The following RAB5A variants were observed in gnomAD, a reference collection of about 807,000 sequenced individuals.
RAB5A encodes the protein ras-related protein Rab-5A.
RAB5A carries 8 observed loss-of-function variants against 25.7 expected under a neutral mutation model. The ratio of observed to expected loss-of-function variants is 0.31; its 90% confidence interval spans 0.18 to 0.56. The LOEUF is 0.56. RAB5A is among the 20% of genes least tolerant of loss of function. The probability of loss-of-function intolerance (pLI) is 0.91; values close to 1 mark genes in which losing one functional copy is unlikely to be tolerated. For synonymous variants in RAB5A, 98 were observed against 89.8 expected (o/e 1.09, Z -0.52); for missense variants, 192 against 259.7 (o/e 0.74, Z 1.79).
At position 19,950,931 on chromosome 3, in the gene RAB5A, G is replaced by A. The variant is rs764547158; in HGVS notation, c.33G>A (p.Gly11=). Residue 11 remains glycine, a synonymous_variant, in exon 2 of 6, where the codon GGG becomes GGA. Transcript: ENST00000273047. The part of the protein sequence containing the change: MASRGATRPN[G]PNTGNKICQF... ...GTCGAGGCGCAACAAGACCCAACGG[G>A]CCAAATACGGGAAATAAAATATGCC... is the stretch of plus-strand genomic sequence containing the variant. The A allele has an allele frequency of 3.8e-5, 62 of 1,613,416 alleles. No individual in the cohort carries two copies. The highest frequency in any genetic ancestry group is 2.5e-4 in the South Asian group (23 of 91,020).
chr3:19,978,160 T>C, intron 4 of RAB5A, 150 bp from the exon 5 acceptor site: 8 of 647,448 alleles, frequency 1.2e-5, no homozygotes, highest in Non-Finnish European at 1.9e-5. Context: ...ACCTCTGTTG[T>C]AGCTTATTAT....
intron 2 of RAB5A, among the ~76,000 whole-genome samples, chr3:19,975,345 A>G (rs1251394969): frequency 1.3e-5 from 2 of 152,186 alleles, no homozygotes; most frequent in East Asian, 3.8e-4. Context: ...ATGTAAGCAT[A>G]TATGTAAATA....
At chr3:19,968,126 A>G (rs1696686351) in intron 2 of RAB5A, among the ~76,000 whole-genome samples, 1 of 152,084 alleles carries the variant, frequency 6.6e-6, no homozygotes, top group African/African-American at 2.4e-5. Context: ...ACAAAGCCTC[A>G]TTCTATTTCT....
chr3:19,982,087 A>C (rs903355388), intron 5 of RAB5A, among the ~76,000 whole-genome samples: 1 of 152,000 alleles, frequency 6.6e-6, no homozygotes, highest in African/African-American at 2.4e-5. Flanking sequence ...ACCAAAAAAA[A>C]AAAGCCAGGC....
At chr3:19,959,900 T>C (rs986688633) in intron 2 of RAB5A, among the ~76,000 whole-genome samples, 14 of 152,044 alleles carry the variant, frequency 9.2e-5, no homozygotes, top group Non-Finnish European at 1.8e-4. Flanking sequence ...TGCTGAGATA[T>C]AGCCATGAGC....
chr3:19,961,141 A>T (rs904321330), intron 2 of RAB5A, among the ~76,000 whole-genome samples: 1 of 152,236 alleles, frequency 6.6e-6, no homozygotes, highest in Non-Finnish European at 1.5e-5. Flanking sequence ...AAGATAGGAC[A>T]CTTATAATAA....
chr3:19,963,240 A>AT (rs1479416135), intron 2 of RAB5A, among the ~76,000 whole-genome samples: 2 of 151,144 alleles, frequency 1.3e-5, no homozygotes, highest in Non-Finnish European at 2.9e-5. Flanking sequence ...ATATTGTCAT[A>AT]TTTTAGTATC....
intron 2 of RAB5A, among the ~76,000 whole-genome samples, chr3:19,966,263 C>T (rs952809800): frequency 4.6e-5 from 7 of 152,210 alleles, no homozygotes. Context: ...CTCTAGCTAC[C>T]TCACATAAAT....
At chr3:19,948,071 C>T (rs1448927195) in intron 1 of RAB5A, among the ~76,000 whole-genome samples, 5 of 152,070 alleles carry the variant, frequency 3.3e-5, no homozygotes, top group Admixed American at 6.6e-5. Context: ...AATAGGCTGT[C>T]TAGAGACTTG....
At chr3:19,965,015 C>T (rs546687909) in intron 2 of RAB5A, among the ~76,000 whole-genome samples, 2 of 152,208 alleles carry the variant, frequency 1.3e-5, no homozygotes, top group African/African-American at 4.8e-5. Flanking sequence ...ACTGCAACAT[C>T]TGCCTCCTGG....
chr3:19,948,997 T>A (rs925478595), intron 1 of RAB5A, among the ~76,000 whole-genome samples: 3 of 152,204 alleles, frequency 2.0e-5, no homozygotes, highest in Non-Finnish European at 4.4e-5. Context: ...CTATGTATAT[T>A]AGAGATTGTT....
chr3:19,972,832 T>G (rs369582513), intron 2 of RAB5A, among the ~76,000 whole-genome samples: 149 of 152,294 alleles, frequency 9.8e-4, no homozygotes, highest in African/African-American at 3.4e-3. Flanking sequence ...GGTGGCCTCT[T>G]GTGTCTTTAA....
At chr3:19,983,571 A>G in intron 5 of RAB5A, 137 bp from the exon 6 acceptor site, 1 of 654,116 alleles carries the variant, frequency 1.5e-6, no homozygotes, top group Non-Finnish European at 2.7e-6. Context: ...CTCAGTAAAC[A>G]TTTGAAAAGA....
At chr3:19,964,874 T>C (rs1454574900) in intron 2 of RAB5A, among the ~76,000 whole-genome samples, 1 of 151,774 alleles carries the variant, frequency 6.6e-6, no homozygotes, top group Non-Finnish European at 1.5e-5. Flanking sequence ...AATGCTAGAA[T>C]TACACAGACG....
chr3:19,957,785 T>G lies in RAB5A; in HGVS notation c.163+6724T>G, dbSNP rs1468673819. Among the ~76,000 whole-genome samples the G allele has an allele frequency of 2.0e-5, 3 of 152,158 alleles. No individual in the cohort carries two copies. The East Asian group carries it at 5.8e-4, about 29-fold the overall frequency. ...GTGATCAATATTGAATTACCTTGAT[T>G]TAGTCACCTCACAATGTGTACATGT... On this transcript the variant is annotated intron_variant, in intron 2 of 5. Transcript: ENST00000273047.
intron 5 of RAB5A, among the ~76,000 whole-genome samples, chr3:19,979,231 T>C (rs1696876081): frequency 6.6e-6 from 1 of 151,758 alleles, no homozygotes; most frequent in South Asian, 2.1e-4. Flanking sequence ...CACCTCGGCC[T>C]CCCAAAGTGC....
chr3:19,950,614 TTA>T (rs1491284500), intron 1 of RAB5A, among the ~76,000 whole-genome samples, 190 bp from the exon 2 acceptor site: 1 of 152,156 alleles, frequency 6.6e-6, no homozygotes, highest in Non-Finnish European at 1.5e-5. Context: ...AGGTTAGCCT[TTA>T]AAAAAAAAAG....
intron 1 of RAB5A, among the ~76,000 whole-genome samples, chr3:19,949,348 T>C (rs1300420214): frequency 6.6e-6 from 1 of 152,158 alleles, no homozygotes; most frequent in Non-Finnish European, 1.5e-5. Context: ...ATGAAGAGCG[T>C]ATTATAAGCT....
chr3:19,959,986 A>G (rs896712106), intron 2 of RAB5A, among the ~76,000 whole-genome samples: 1 of 152,198 alleles, frequency 6.6e-6, no homozygotes, highest in Non-Finnish European at 1.5e-5. Flanking sequence ...TCAGAGGCAC[A>G]TGAAAGACAC....
Sources: allele counts gnomAD v4.1 joint callset (sites outside exome capture counted in the v4.1 genomes callset), GRCh38; gene constraint gnomAD v4.1.1; transcripts MANE v1.5; gene names NCBI Gene and HGNC (gene_info 2026-07-23, HGNC 2026-07-21).